SIPA1L3: variants seen among roughly 807,000 people sequenced by gnomAD.
The protein encoded by SIPA1L3 is signal-induced proliferation-associated 1-like protein 3.
In SIPA1L3, 59 loss-of-function variants were observed where a neutral mutation model predicts 150.1. The ratio of observed to expected loss-of-function variants is 0.39; its 90% CI spans 0.32 to 0.49. The LOEUF is 0.49. SIPA1L3 is among the 20% of genes least tolerant of loss of function. SIPA1L3 has a pLI of 0.86. For synonymous variants in SIPA1L3, 1,070 were observed against 1,077.6 expected (o/e 0.99, Z 0.14); for missense variants, 2,211 against 2,489.5 (o/e 0.89, Z 2.38).
intron 4 of SIPA1L3, among the ~76,000 whole-genome samples, chr19:38,098,392 ATTTTTTTTT>A (rs71179411): frequency 6.2e-5 from 7 of 113,728 alleles, no homozygotes; most frequent in Admixed American, 9.9e-5. Flanking sequence ...AGGGGCTTTC[ATTTTTTTTT>A]TTTTTTTTTT....
intron 2 of SIPA1L3, among the ~76,000 whole-genome samples, chr19:38,067,053 G>A (rs1237716019): frequency 2.7e-5 from 4 of 150,480 alleles, no homozygotes; most frequent in South Asian, 4.2e-4. Flanking sequence ...CCTGGGCAAC[G>A]TAGCAAGACC....
At chr19:38,000,900 A>ATATATATATGTTATATATATATATATGT (rs765478735) in intron 1 of SIPA1L3, among the ~76,000 whole-genome samples, 8 of 131,408 alleles carry the variant, frequency 6.1e-5, no homozygotes, top group Non-Finnish European at 1.1e-4. Flanking sequence ...TATGTTATAT[A>ATATATATATGTTATATATATATATATGT]TATATATATA....
At chr19:37,937,457 G>A (rs2046610350) in intron 1 of SIPA1L3, among the ~76,000 whole-genome samples, 1 of 151,918 alleles carries the variant, frequency 6.6e-6, no homozygotes, top group Admixed American at 6.6e-5. Flanking sequence ...ATCAAAATAT[G>A]GCTGAGTGTG....
intron 1 of SIPA1L3, among the ~76,000 whole-genome samples, chr19:37,967,252 C>T (rs1452653152): frequency 6.6e-6 from 1 of 151,376 alleles, no homozygotes; most frequent in Non-Finnish European, 1.5e-5. Flanking sequence ...AAGTTCCCCC[C>T]CACCCTTTTT....
At position 38,103,617 on chromosome 19, in the gene SIPA1L3, A is replaced by G. The variant is rs1291432095; in HGVS notation, c.2029+2391A>G. On this transcript the variant is annotated intron_variant, in intron 6 of 21. Transcript: ENST00000222345. ...TACTCGAGCCTGGGCAACAAGAGCA[A>G]AACTTCATCTCAAAAAAAAAAAAGG... Among the ~76,000 whole-genome samples the G allele has an allele frequency of 7.6e-5, 11 of 145,092 alleles. 1 individual carries two copies. In the Admixed American group the frequency reaches 8.0e-4, roughly 11 times the overall value.
intron 6 of SIPA1L3, among the ~76,000 whole-genome samples, chr19:38,104,225 G>A (rs929762052): frequency 6.6e-6 from 1 of 152,226 alleles, no homozygotes; most frequent in African/African-American, 2.4e-5. Flanking sequence ...GGTGTCTGGG[G>A]CCATCATCAC....
chr19:37,942,942 C>A (rs2046673983), intron 1 of SIPA1L3, among the ~76,000 whole-genome samples: 1 of 151,382 alleles, frequency 6.6e-6, no homozygotes, highest in Admixed American at 6.6e-5. Flanking sequence ...GGAATCCTGG[C>A]CTCAAGTGAT....
intron 1 of SIPA1L3, among the ~76,000 whole-genome samples, chr19:37,998,449 C>A (rs778772285): frequency 1.3e-5 from 2 of 152,084 alleles, no homozygotes; most frequent in Non-Finnish European, 2.9e-5. Context: ...CAAACCGAAA[C>A]GCATAAAGTT....
intron 1 of SIPA1L3, among the ~76,000 whole-genome samples, chr19:37,944,821 G>T (rs2046694924): frequency 6.6e-6 from 1 of 152,020 alleles, no homozygotes; most frequent in Admixed American, 6.6e-5. Flanking sequence ...GTGGTGGCAG[G>T]TCCCTCTAAT....
At chr19:38,013,323 G>C (rs1015194842) in intron 1 of SIPA1L3, among the ~76,000 whole-genome samples, 4 of 152,144 alleles carry the variant, frequency 2.6e-5, no homozygotes, top group African/African-American at 9.7e-5. Context: ...GAAAAATATA[G>C]AGGATTAATG....
At chr19:38,018,338 A>G (rs1319426125) in intron 1 of SIPA1L3, among the ~76,000 whole-genome samples, 5 of 151,578 alleles carry the variant, frequency 3.3e-5, no homozygotes, top group Admixed American at 2.6e-4. Context: ...AAATTTTTGT[A>G]TTTTTAGTAG....
intron 6 of SIPA1L3, among the ~76,000 whole-genome samples, chr19:38,104,097 C>T (rs1009739933): frequency 1.3e-5 from 2 of 151,994 alleles, no homozygotes; most frequent in Non-Finnish European, 2.9e-5. Flanking sequence ...CCCAAGATGG[C>T]TCAGTCAGAC....
intron 1 of SIPA1L3, among the ~76,000 whole-genome samples, chr19:37,941,855 A>C (rs2046661616): frequency 6.6e-6 from 1 of 152,064 alleles, no homozygotes; most frequent in Non-Finnish European, 1.5e-5. Flanking sequence ...AAAGGGCTCT[A>C]CTCCATTGCA....
At chr19:38,170,166 C>T (rs955411716) in intron 15 of SIPA1L3, among the ~76,000 whole-genome samples, 2 of 152,130 alleles carry the variant, frequency 1.3e-5, no homozygotes, top group African/African-American at 4.8e-5. Flanking sequence ...CTGAGCTAGC[C>T]AGGGAAGTCA....
At chr19:37,955,718 T>TGAA (rs1165665282) in intron 1 of SIPA1L3, among the ~76,000 whole-genome samples, 55 of 152,242 alleles carry the variant, frequency 3.6e-4, no homozygotes, top group Admixed American at 3.6e-3. Flanking sequence ...TCATTTGTTC[T>TGAA]TATTGCTGAA....
At chr19:37,940,824 C>T (rs2046647863) in intron 1 of SIPA1L3, among the ~76,000 whole-genome samples, 1 of 152,070 alleles carries the variant, frequency 6.6e-6, no homozygotes, top group African/African-American at 2.4e-5. Context: ...TCAAAGGATC[C>T]TCCCACTTCA....
At chr19:37,934,273 T>A (rs969483097) in intron 1 of SIPA1L3, among the ~76,000 whole-genome samples, 2 of 152,200 alleles carry the variant, frequency 1.3e-5, no homozygotes, top group African/African-American at 4.8e-5. Flanking sequence ...TTCGCGCCGC[T>A]GTAGCATACA....
chr19:37,923,557 T>A (rs1448873896), intron 1 of SIPA1L3, among the ~76,000 whole-genome samples: 1 of 152,178 alleles, frequency 6.6e-6, no homozygotes, highest in African/African-American at 2.4e-5. Flanking sequence ...GACTGGAAGT[T>A]GCTCCAGGTG....
chr19:37,917,652 A>G (rs2046424334), intron 1 of SIPA1L3, among the ~76,000 whole-genome samples: 1 of 152,090 alleles, frequency 6.6e-6, no homozygotes. Context: ...GAGGGTGTTT[A>G]AGGGGGATAG....
Sources: gnomAD v4.1 joint callset for allele counts (sites outside exome capture counted in the v4.1 genomes callset) on GRCh38, gnomAD v4.1.1 for gene constraint, MANE v1.5 for transcripts, NCBI Gene and HGNC (gene_info 2026-07-23, HGNC 2026-07-21) for gene names.